Variants in LPP observed in about 807,000 individuals in gnomAD.
The protein encoded by LPP is lipoma-preferred partner.
LPP carries 38 observed loss-of-function variants against 60.4 expected under a neutral mutation model. The ratio of observed to expected loss-of-function variants is 0.63; its 90% CI spans 0.49 to 0.83. LPP has a LOEUF of 0.83. Among genes scored for constraint, LPP ranks in the 40% least tolerant of loss-of-function variants. The probability of loss-of-function intolerance (pLI) is 0.00; values close to 1 mark genes in which losing one functional copy is unlikely to be tolerated. For missense variants in LPP, 902 were observed against 783.6 expected (o/e 1.15, Z -1.80); for synonymous variants, 328 against 290.8 (o/e 1.13, Z -1.30).
At chr3:188,820,026 G>C (rs186585206) in intron 9 of LPP, among the ~76,000 whole-genome samples, 1 of 152,120 alleles carries the variant, frequency 6.6e-6, no homozygotes, top group African/African-American at 2.4e-5. Flanking sequence ...TAGTGTCTGT[G>C]ACTTCAGCTA....
At chr3:188,726,585 G>T (rs1718482721) in intron 8 of LPP, among the ~76,000 whole-genome samples, 1 of 152,132 alleles carries the variant, frequency 6.6e-6, no homozygotes, top group African/African-American at 2.4e-5. Context: ...AGAAAATTAT[G>T]CAGGAGAAAG....
chr3:188,561,951 C>A (rs557199441), intron 6 of LPP, among the ~76,000 whole-genome samples: 144 of 152,048 alleles, frequency 9.5e-4, no homozygotes, highest in African/African-American at 3.4e-3. Flanking sequence ...GAATTTGCAG[C>A]GCATGGACTT....
chr3:188,569,174 A>C (rs1483590937), intron 6 of LPP: 1 of 151,852 alleles, frequency 6.6e-6, no homozygotes, highest in Non-Finnish European at 1.5e-5. Context: ...AATAATAATA[A>C]TAATAAATTG....
rs115585714 is a variant in LPP, at chr3:188,502,415, G to A, written c.306+17711G>A. Among the ~76,000 whole-genome samples, 1,144 of 151,814 alleles carry A rather than the reference G, an allele frequency of 7.5e-3. 13 individuals are homozygous for A. The highest frequency in any genetic ancestry group is 0.026 in the African/African-American group (1,059 of 41,390). On this transcript the variant is annotated intron_variant, in intron 5 of 11. Coordinates refer to ENST00000617246, the MANE Select transcript of LPP (RefSeq NM_001375462.1). Reference sequence around the variant, plus strand: ...TTTTGACTTAAAATCTATTTTCTCTGATATTTTGCTAGTCTGCTTTTTGTG... The same window carrying A: ...TTTTGACTTAAAATCTATTTTCTCTAATATTTTGCTAGTCTGCTTTTTGTG...
chr3:188,215,406 C>T (rs1163361702), intron 1 of LPP, among the ~76,000 whole-genome samples: 1 of 152,060 alleles, frequency 6.6e-6, no homozygotes, highest in Non-Finnish European at 1.5e-5. Flanking sequence ...CAATCTGAAA[C>T]TTTGTACCTA....
At chr3:188,202,474 A>G (rs1187430636) in intron 1 of LPP, among the ~76,000 whole-genome samples, 1 of 152,214 alleles carries the variant, frequency 6.6e-6, no homozygotes, top group Admixed American at 6.5e-5. Flanking sequence ...CCCATAAGCC[A>G]TGAGGCATGT....
At chr3:188,175,413 C>T (rs1722794677) in intron 1 of LPP, among the ~76,000 whole-genome samples, 1 of 152,154 alleles carries the variant, frequency 6.6e-6, no homozygotes, top group Admixed American at 6.5e-5. Flanking sequence ...ACTTGCTTAT[C>T]TTTACATCTC....
intron 6 of LPP, among the ~76,000 whole-genome samples, chr3:188,565,562 A>G (rs1346096642): frequency 6.6e-6 from 1 of 151,996 alleles, no homozygotes; most frequent in Admixed American, 6.6e-5. Context: ...GTGAGATACT[A>G]TTAGACTTTG....
At chr3:188,411,095 T>TA (rs1428881046) in intron 4 of LPP, among the ~76,000 whole-genome samples, 1 of 152,162 alleles carries the variant, frequency 6.6e-6, no homozygotes, top group African/African-American at 2.4e-5. Context: ...TCCCATAGTG[T>TA]ATATATACCA....
intron 6 of LPP, among the ~76,000 whole-genome samples, chr3:188,555,225 A>G (rs1432233775): frequency 6.6e-6 from 1 of 152,080 alleles, no homozygotes; most frequent in African/African-American, 2.4e-5. Flanking sequence ...AAGCCAAGTG[A>G]TCCCAAGGAA....
rs138484956 is a variant in LPP at position 188,850,659 on chromosome 3, G to A, written c.1411-15541G>A. 4.7e-4 allele frequency among the ~76,000 whole-genome samples: 72 copies of A among 152,234 alleles called. 1 individual carries two copies. The East Asian group carries it at 0.011, about 24-fold the overall frequency. On this transcript the variant is annotated intron_variant, in intron 9 of 11. Coordinates refer to ENST00000617246, the MANE Select transcript of LPP (RefSeq NM_001375462.1). ...GAAAGAAAACAAGACTGGTAGAGAA[G>A]ATAGTCTGACCGCAAGATCAACAAT...
intron 6 of LPP, among the ~76,000 whole-genome samples, chr3:188,556,417 T>C (rs902016528): frequency 1.3e-5 from 2 of 152,092 alleles, no homozygotes; most frequent in African/African-American, 4.8e-5. Flanking sequence ...TTGCAAAAAT[T>C]AAACATATAC....
In LPP at chr3:188,884,346, C is replaced by T. The variant is rs1378383538; in HGVS notation, c.*9867C>T. On this transcript the variant is annotated 3_prime_UTR_variant, in exon 12 of 12. Transcript: ENST00000617246. ...CTTAGAGGACAATATCGACTTCTTA[C>T]AGACTACCAAGCCCCCAGTCATCCA... 4.3e-6 allele frequency: 1 copy of T among 230,500 alleles called. No homozygotes were observed. Among genetic ancestry groups the T allele is most frequent in the South Asian group, 1.8e-4 (1 of 5,512 alleles). 14.3% of individuals were successfully genotyped at this position (230,500 alleles called of 1,614,324 possible).
chr3:188,258,620 T>C (rs1486727921), intron 2 of LPP, among the ~76,000 whole-genome samples: 1 of 152,190 alleles, frequency 6.6e-6, no homozygotes, highest in East Asian at 1.9e-4. Flanking sequence ...TGTAAGCATG[T>C]CAGCCCTCAC....
At chr3:188,826,028 C>A (rs1316915868) in intron 9 of LPP, among the ~76,000 whole-genome samples, 1 of 152,096 alleles carries the variant, frequency 6.6e-6, no homozygotes, top group East Asian at 1.9e-4. Flanking sequence ...AGCCTCTCAC[C>A]CTGCCCTCCC....
intron 6 of LPP, among the ~76,000 whole-genome samples, chr3:188,597,923 C>T (rs1225196726): frequency 1.3e-5 from 2 of 152,046 alleles, no homozygotes; most frequent in Non-Finnish European, 2.9e-5. Flanking sequence ...GAAAGGAACA[C>T]TAAATAAGTA....
At position 188,741,244 on chromosome 3, in the gene LPP, G is replaced by C. The variant is rs899968711; in HGVS notation, c.1241-18869G>C. 6.1e-5 allele frequency among the ~76,000 whole-genome samples: 9 copies of C among 148,370 alleles called. No homozygotes were observed. The South Asian group carries it at 1.3e-3, about 21-fold the overall frequency. ...CGAGGTTCAAAGTTTCCTTTGAATTGGGGGGGGAAGGGAGATTCTGTAATT... is the reference window on the plus strand; with the variant it reads ...CGAGGTTCAAAGTTTCCTTTGAATTCGGGGGGGAAGGGAGATTCTGTAATT... On this transcript the variant is annotated intron_variant, in intron 8 of 11. Transcript: ENST00000617246.
intron 3 of LPP, among the ~76,000 whole-genome samples, chr3:188,381,184 C>T (rs970463029): frequency 1.1e-4 from 12 of 112,668 alleles, no homozygotes; most frequent in African/African-American, 2.6e-4. Flanking sequence ...ACGTGTGACA[C>T]GAATGCAAAC....
Position 188,887,299 on chromosome 3 carries a change from GA to G in LPP, c.*12825del. The G allele has an allele frequency of 4.6e-6, 1 of 217,656 alleles. No individual in the cohort carries two copies. 13.5% of individuals were successfully genotyped at this position (217,656 alleles called of 1,614,324 possible). ...CTTGGGAGACGTTAAGTATAAAAGG[GA>G]AAAAGTCAGTTCCTTCTTCTCTCTC... On this transcript the variant is annotated 3_prime_UTR_variant, in exon 12 of 12. Transcript: ENST00000617246.
Sources: gnomAD v4.1 joint callset for allele counts (sites outside exome capture counted in the v4.1 genomes callset) on GRCh38, gnomAD v4.1.1 for gene constraint, MANE v1.5 for transcripts, NCBI Gene and HGNC (gene_info 2026-07-23, HGNC 2026-07-21) for gene names.